Variants in SYN3 observed in about 807,000 individuals in gnomAD.
SYN3 encodes the protein synapsin-3.
Under a neutral mutation model 65.8 loss-of-function variants are expected in SYN3, and 35 were observed. The ratio of observed to expected loss-of-function variants is 0.53; its 90% CI spans 0.41 to 0.70. The LOEUF (loss-of-function observed/expected upper bound fraction) is 0.70, where lower values mean the gene tolerates loss of function less well. Among genes scored for constraint, SYN3 ranks in the 30% least tolerant of loss-of-function variants. The pLI is 0.00. For missense variants in SYN3, 680 were observed against 749.0 expected (o/e 0.91, Z 1.08); for synonymous variants, 270 against 292.9 (o/e 0.92, Z 0.80).
chr22:32,547,005 GTC>G lies in SYN3; in HGVS notation c.775-5294_775-5293del, dbSNP rs201737921. On this transcript the variant is annotated intron_variant, in intron 7 of 13. Transcript: ENST00000358763. ...GTTTTTTTGTTGATGTTGAGACAGA[GTC>G]TCTCTCTGTCGCCTAAGCTGGAGCG... Among the ~76,000 whole-genome samples, 532 of 151,914 alleles carry G rather than the reference GTC, an allele frequency of 3.5e-3. 10 individuals are homozygous for G. Among genetic ancestry groups the G allele is most frequent in the Admixed American group, 0.03 (462 of 15,254 alleles).
chr22:32,789,138 G>T (rs1394464445), intron 6 of SYN3, among the ~76,000 whole-genome samples: 2 of 152,224 alleles, frequency 1.3e-5, no homozygotes, highest in Non-Finnish European at 2.9e-5. Flanking sequence ...ACTGGGCATT[G>T]CATAAGCCAG....
chr22:32,517,791 T>C (rs130445), intron 13 of SYN3, among the ~76,000 whole-genome samples: 69,024 of 151,920 alleles, frequency 0.45, 18,366 homozygotes, highest in African/African-American at 0.73. Flanking sequence ...TTGTTTGTTA[T>C]GCAGCAAACA....
At chr22:32,830,818 A>G (rs921011540) in intron 6 of SYN3, among the ~76,000 whole-genome samples, 2 of 152,108 alleles carry the variant, frequency 1.3e-5, no homozygotes, top group African/African-American at 4.8e-5. Flanking sequence ...CTCCCAGTGG[A>G]TTCCGCAAGG....
chr22:32,923,731 G>A (rs1220564955), intron 4 of SYN3, among the ~76,000 whole-genome samples: 3 of 152,166 alleles, frequency 2.0e-5, no homozygotes, highest in Non-Finnish European at 4.4e-5. Context: ...ACATGTGCAG[G>A]TTTGTTATAC....
In SYN3 at chr22:32,879,616, G is replaced by T. The variant is rs532110027; in HGVS notation, c.462-10491C>A. ...CCCTCATGGCTAATCACTTCCCAAAGACTTCATCTCCTAATACCATCACAT... is the reference window on the plus strand; with the variant it reads ...CCCTCATGGCTAATCACTTCCCAAATACTTCATCTCCTAATACCATCACAT... On this transcript the variant is annotated intron_variant, in intron 4 of 13. Transcript: ENST00000358763. 2.6e-5 allele frequency among the ~76,000 whole-genome samples: 4 copies of T among 152,320 alleles called. No homozygotes were observed. The South Asian group carries it at 8.3e-4, about 32-fold the overall frequency.
intron 6 of SYN3, among the ~76,000 whole-genome samples, chr22:32,846,707 A>G (rs1231588402): frequency 1.3e-5 from 2 of 152,190 alleles, no homozygotes; most frequent in African/African-American, 4.8e-5. Context: ...ATGCAATGCT[A>G]TGTTGCTGCT....
chr22:32,878,019 T>C (rs2049027484), intron 4 of SYN3, among the ~76,000 whole-genome samples: 1 of 152,202 alleles, frequency 6.6e-6, no homozygotes, highest in Non-Finnish European at 1.5e-5. Flanking sequence ...ATAGCTTTAT[T>C]TTTCAAGAAA....
intron 6 of SYN3, among the ~76,000 whole-genome samples, chr22:32,834,323 A>AT (rs5845042): frequency 0.58 from 83,668 of 143,338 alleles, 23,730 homozygotes; most frequent in African/African-American, 0.7. Flanking sequence ...TGGCTAATTT[A>AT]TTTTTTTTTT....
chr22:32,832,276 C>T (rs1601485789), intron 6 of SYN3, among the ~76,000 whole-genome samples: 2 of 151,602 alleles, frequency 1.3e-5, no homozygotes, highest in South Asian at 2.1e-4. Context: ...ACCACTACAA[C>T]GAAGAGAAAG....
At chr22:32,924,122 A>G (rs2050406918) in intron 4 of SYN3, among the ~76,000 whole-genome samples, 1 of 152,174 alleles carries the variant, frequency 6.6e-6, no homozygotes, top group Admixed American at 6.5e-5. Context: ...CGTCTTTGCT[A>G]TTGTGACTAG....
chr22:32,822,892 G>C (rs1333999828), intron 6 of SYN3, among the ~76,000 whole-genome samples: 1 of 150,088 alleles, frequency 6.7e-6, no homozygotes. Context: ...TTGAGTAACA[G>C]AAGCCAATTT....
In SYN3 at chr22:32,951,338, C is replaced by T. The variant is rs76125483; in HGVS notation, c.370-19857G>A. Among the ~76,000 whole-genome samples the T allele has an allele frequency of 9.9e-3, 1,508 of 152,230 alleles. 66 individuals are homozygous for T. Among genetic ancestry groups the T allele is most frequent in the Admixed American group, 0.074 (1,128 of 15,292 alleles). ...GGCCATTCAGAGTCCCTCTCAGTGG[C>T]GCCCCCAGCTGCATCCTCCCTGCAA... is the stretch of plus-strand genomic sequence containing the variant. On this transcript the variant is annotated intron_variant, in intron 3 of 13. Transcript: ENST00000358763.
chr22:33,006,285 G>A, intron 2 of SYN3, 67 bp downstream of exon 2: 1 of 1,485,930 alleles, frequency 6.7e-7, no homozygotes, highest in South Asian at 1.4e-5. Context: ...TATTTCCCCA[G>A]GAGATGAGAT....
intron 7 of SYN3, among the ~76,000 whole-genome samples, chr22:32,542,656 G>A (rs2858336): frequency 0.026 from 3,285 of 128,116 alleles, 94 homozygotes; most frequent in African/African-American, 0.099. Context: ...GTGTGTGTGC[G>A]CGCGCACACA....
At chr22:33,021,389 C>T (rs2053556878) in intron 1 of SYN3, among the ~76,000 whole-genome samples, 1 of 152,178 alleles carries the variant, frequency 6.6e-6, no homozygotes, top group Non-Finnish European at 1.5e-5. Flanking sequence ...ACCACCACTA[C>T]CAAGATATGG....
intron 4 of SYN3, among the ~76,000 whole-genome samples, chr22:32,889,665 CT>C (rs1443511670): frequency 6.6e-6 from 1 of 151,772 alleles, no homozygotes; most frequent in Non-Finnish European, 1.5e-5. Flanking sequence ...ATTCTGTAAT[CT>C]TTTTAAAACT....
At chr22:33,015,242 A>AAAC in intron 1 of SYN3, 1 of 214,492 alleles carries the variant, frequency 4.7e-6, no homozygotes, top group Non-Finnish European at 8.0e-6. Context: ...AAAAAAAAAA[A>AAAC]CTACTGTATC....
intron 6 of SYN3, among the ~76,000 whole-genome samples, chr22:32,682,069 G>GTGACAAA (rs2060530454): frequency 3.3e-5 from 5 of 152,056 alleles, no homozygotes; most frequent in South Asian, 2.1e-4. Flanking sequence ...GGGAGATGAG[G>GTGACAAA]GGCAGCAGGG....
intron 1 of SYN3, among the ~76,000 whole-genome samples, chr22:33,055,659 G>T (rs2054242906): frequency 6.6e-6 from 1 of 152,178 alleles, no homozygotes; most frequent in African/African-American, 2.4e-5. Context: ...GTTACGAAGG[G>T]AGAATAAAAG....
Sources: gnomAD v4.1 joint callset for allele counts (sites outside exome capture counted in the v4.1 genomes callset) on GRCh38, gnomAD v4.1.1 for gene constraint, MANE v1.5 for transcripts, NCBI Gene and HGNC (gene_info 2026-07-23, HGNC 2026-07-21) for gene names.